KCNK13: variants seen among roughly 807,000 people sequenced by gnomAD.
KCNK13 encodes the protein potassium two pore domain channel subfamily K member 13, also known as potassium channel subfamily K member 13.
KCNK13 carries 12 observed loss-of-function variants against 23.4 expected under a neutral mutation model. The ratio of observed to expected loss-of-function variants is 0.51; its 90% confidence interval spans 0.33 to 0.83. The LOEUF (loss-of-function observed/expected upper bound fraction) is 0.83. Ranked by LOEUF, KCNK13 falls within the 40% of genes least tolerant of loss-of-function variation. The probability of loss-of-function intolerance (pLI) is 0.02; values close to 1 mark genes in which losing one functional copy is unlikely to be tolerated. For missense variants in KCNK13, 463 were observed against 556.3 expected, an observed-to-expected ratio of 0.83 and a Z score of 1.69; for synonymous variants, 231 against 229.5, an observed-to-expected ratio of 1.01 and a Z score of -0.06.
chr14:90,118,964 C>T (rs1889706643), intron 1 of KCNK13, among the ~76,000 whole-genome samples: 1 of 152,206 alleles, frequency 6.6e-6, no homozygotes, highest in Admixed American at 6.5e-5. Flanking sequence ...GAGGATGTTA[C>T]CACTGACCCC....
At position 90,185,131 on chromosome 14, in the gene KCNK13, A is replaced by G; in HGVS notation, c.*128A>G. On this transcript the variant is annotated 3_prime_UTR_variant, in exon 2 of 2. Transcript: ENST00000282146. ...GCTGTTCCCGGGAGCCTCCGCAAGC[A>G]TCTTTAGAAATCTGATCTCGGCTCC... is the stretch of plus-strand genomic sequence containing the variant. 1 of 787,566 alleles carries G rather than the reference A, an allele frequency of 1.3e-6. No homozygotes were observed. The highest frequency in any genetic ancestry group is 1.9e-6 in the Non-Finnish European group (1 of 528,300). 48.8% of individuals were successfully genotyped at this position (787,566 alleles called of 1,614,324 possible).
At chr14:90,063,564 A>G (rs945277087) in intron 1 of KCNK13, among the ~76,000 whole-genome samples, 1 of 152,160 alleles carries the variant, frequency 6.6e-6, no homozygotes, top group African/African-American at 2.4e-5. Context: ...TTAGACGGAG[A>G]GGAAGTGGCC....
At chr14:90,073,881 G>A (rs1030004840) in intron 1 of KCNK13, among the ~76,000 whole-genome samples, 3 of 152,088 alleles carry the variant, frequency 2.0e-5, no homozygotes, top group African/African-American at 7.2e-5. Context: ...CACCATGTTG[G>A]CCAGGCTGGT....
chr14:90,101,390 A>C (rs188597306), intron 1 of KCNK13, among the ~76,000 whole-genome samples: 1 of 152,150 alleles, frequency 6.6e-6, no homozygotes, highest in Non-Finnish European at 1.5e-5. Flanking sequence ...TACTTAGACG[A>C]GGGGGCAGGG....
At chr14:90,181,915 C>T (rs945773565) in intron 1 of KCNK13, among the ~76,000 whole-genome samples, 2 of 152,156 alleles carry the variant, frequency 1.3e-5, no homozygotes, top group African/African-American at 4.8e-5. Flanking sequence ...TGTTTAGTAA[C>T]TACAGAAGCA....
intron 1 of KCNK13, among the ~76,000 whole-genome samples, chr14:90,179,677 A>G (rs1890463940): frequency 6.6e-6 from 1 of 152,200 alleles, no homozygotes; most frequent in African/African-American, 2.4e-5. Context: ...CTGAACACCG[A>G]TCAGATAACT....
chr14:90,148,237 G>A (rs1018701015), intron 1 of KCNK13, among the ~76,000 whole-genome samples: 2 of 152,100 alleles, frequency 1.3e-5, no homozygotes, highest in African/African-American at 4.8e-5. Flanking sequence ...CTTTTATAAT[G>A]TGCCTGCCCA....
At chr14:90,128,289 C>T (rs1275049521) in intron 1 of KCNK13, among the ~76,000 whole-genome samples, 1 of 152,146 alleles carries the variant, frequency 6.6e-6, no homozygotes, top group Non-Finnish European at 1.5e-5. Context: ...CTTCCAGTCC[C>T]AGGGAGGATT....
Position 90,077,636 on chromosome 14 carries a change from G to A in KCNK13, c.334+15097G>A, listed in dbSNP as rs993328743. On this transcript the variant is annotated intron_variant, in intron 1 of 1. Coordinates refer to ENST00000282146, the MANE Select transcript of KCNK13 (RefSeq NM_022054.4). ...TTCTTTTCTCCATTGTCTGATGGCC[G>A]TCTGCTGACAGTGCTTTCAGCAGAT... is the stretch of plus-strand genomic sequence containing the variant. Among the ~76,000 whole-genome samples the A allele has an allele frequency of 9.9e-5, 15 of 152,178 alleles. 1 individual carries two copies. The East Asian group carries it at 1.3e-3, about 14-fold the overall frequency.
intron 1 of KCNK13, among the ~76,000 whole-genome samples, chr14:90,141,177 C>A (rs1210436736): frequency 6.6e-6 from 1 of 152,204 alleles, no homozygotes; most frequent in African/African-American, 2.4e-5. Flanking sequence ...TGACTGCATT[C>A]CCAGGAGGGT....
intron 1 of KCNK13, among the ~76,000 whole-genome samples, chr14:90,175,646 A>C (rs1248266250): frequency 6.6e-6 from 1 of 152,200 alleles, no homozygotes; most frequent in Non-Finnish European, 1.5e-5. Context: ...GAAAACACTG[A>C]AAGTCCCAGA....
intron 1 of KCNK13, among the ~76,000 whole-genome samples, chr14:90,101,052 C>T (rs1889470466): frequency 6.6e-6 from 1 of 152,094 alleles, no homozygotes. Flanking sequence ...AAGGAGGTTG[C>T]AGTATATGAT....
At chr14:90,107,447 C>T (rs1889559312) in intron 1 of KCNK13, among the ~76,000 whole-genome samples, 1 of 152,140 alleles carries the variant, frequency 6.6e-6, no homozygotes, top group African/African-American at 2.4e-5. Context: ...CACTGCCCTT[C>T]GGCCTGGGCG....
intron 1 of KCNK13, among the ~76,000 whole-genome samples, chr14:90,101,917 C>A (rs1042875587): frequency 6.7e-6 from 1 of 150,190 alleles, no homozygotes; most frequent in African/African-American, 2.4e-5. Context: ...GAGTTTTGCT[C>A]TCGTTGCCCA....
chr14:90,120,669 G>A (rs540756826), intron 1 of KCNK13, among the ~76,000 whole-genome samples: 3 of 152,250 alleles, frequency 2.0e-5, no homozygotes, highest in East Asian at 1.9e-4. Context: ...TCCCTCCCAC[G>A]ATCTATGGGA....
chr14:90,143,662 A>G (rs4125712), intron 1 of KCNK13, among the ~76,000 whole-genome samples: 152,080 of 152,288 alleles, frequency 1, 75,936 homozygotes, highest in Middle Eastern at 1. Flanking sequence ...CACAAAGAAC[A>G]ATTCATGAAT....
chr14:90,145,008 A>G (rs1890057200), intron 1 of KCNK13, among the ~76,000 whole-genome samples: 1 of 152,088 alleles, frequency 6.6e-6, no homozygotes, highest in Admixed American at 6.6e-5. Context: ...ATCACCATGA[A>G]TGGATGTTGG....
chr14:90,165,007 G>A (rs995333500), intron 1 of KCNK13, among the ~76,000 whole-genome samples: 5 of 152,232 alleles, frequency 3.3e-5, no homozygotes, highest in African/African-American at 1.2e-4. Flanking sequence ...CCGCGTGGCT[G>A]AGGAGGCCTC....
chr14:90,148,923 A>C (rs1890103898), intron 1 of KCNK13, among the ~76,000 whole-genome samples: 1 of 152,206 alleles, frequency 6.6e-6, no homozygotes, highest in Non-Finnish European at 1.5e-5. Context: ...TACACTGTAA[A>C]AGTGCTATTG....
Sources: gnomAD v4.1 joint callset for allele counts (sites outside exome capture counted in the v4.1 genomes callset) on GRCh38, gnomAD v4.1.1 for gene constraint, MANE v1.5 for transcripts, NCBI Gene and HGNC (gene_info 2026-07-23, HGNC 2026-07-21) for gene names.